SNTG1: variants seen among roughly 807,000 people sequenced by gnomAD.
SNTG1 encodes the protein gamma-1-syntrophin.
Under a neutral mutation model 74.7 loss-of-function variants are expected in SNTG1, and 39 were observed. The ratio of observed to expected loss-of-function variants is 0.52; its 90% CI spans 0.40 to 0.68. SNTG1 has a LOEUF of 0.68. SNTG1 is among the 30% of genes least tolerant of loss of function. The pLI, the probability that SNTG1 is intolerant of heterozygous loss-of-function variation, is 0.00. For synonymous variants in SNTG1, 254 were observed against 217.1 expected (o/e 1.17, Z -1.49); for missense variants, 685 against 609.5 (o/e 1.12, Z -1.30).
chr8:50,178,408 C>T (rs986667769), intron 2 of SNTG1, among the ~76,000 whole-genome samples: 28 of 150,876 alleles, frequency 1.9e-4, no homozygotes, highest in South Asian at 4.2e-4. Context: ...CACGTGCGCG[C>T]GCACACACAC....
chr8:50,191,751 C>T (rs112698022), intron 2 of SNTG1, among the ~76,000 whole-genome samples: 7,410 of 151,976 alleles, frequency 0.049, 267 homozygotes, highest in Non-Finnish European at 0.074. Context: ...CAACAGGCCC[C>T]GGTGTGTGCT....
intron 1 of SNTG1, among the ~76,000 whole-genome samples, chr8:49,942,254 A>G (rs115724659): frequency 0.013 from 1,980 of 152,294 alleles, 50 homozygotes; most frequent in African/African-American, 0.043. Context: ...AAGTAACACA[A>G]CTTTCATTTG....
intron 2 of SNTG1, among the ~76,000 whole-genome samples, chr8:50,295,931 A>T (rs926996626): frequency 6.6e-6 from 1 of 152,196 alleles, no homozygotes; most frequent in African/African-American, 2.4e-5. Flanking sequence ...AATGTAAAAA[A>T]GTGCACCTAA....
intron 1 of SNTG1, among the ~76,000 whole-genome samples, chr8:49,960,517 T>C (rs997494392): frequency 2.0e-5 from 3 of 152,110 alleles, no homozygotes; most frequent in Non-Finnish European, 4.4e-5. Context: ...AAGAAATCTA[T>C]TTCTTTGAGT....
chr8:50,047,763 T>TG (rs1819221739), intron 1 of SNTG1, among the ~76,000 whole-genome samples: 1 of 152,112 alleles, frequency 6.6e-6, no homozygotes, highest in African/African-American at 2.4e-5. Flanking sequence ...CATAACAACC[T>TG]GGGGGTGTCA....
At chr8:49,996,985 A>C (rs1476350013) in intron 1 of SNTG1, among the ~76,000 whole-genome samples, 1 of 152,176 alleles carries the variant, frequency 6.6e-6, no homozygotes, top group Admixed American at 6.6e-5. Flanking sequence ...GACTTATTTT[A>C]TCCAATGTCT....
intron 1 of SNTG1, among the ~76,000 whole-genome samples, chr8:50,043,311 C>T (rs919796608): frequency 3.3e-5 from 5 of 152,070 alleles, no homozygotes; most frequent in African/African-American, 9.7e-5. Context: ...ACAGAGAACC[C>T]AAATGCTTCT....
chr8:50,102,438 C>T (rs976409783), intron 1 of SNTG1, among the ~76,000 whole-genome samples: 2 of 147,292 alleles, frequency 1.4e-5, no homozygotes, highest in African/African-American at 5.0e-5. Flanking sequence ...TGTTTGAGTT[C>T]ATTGTAGATT....
chr8:50,684,332 G>T (rs1309731704), intron 15 of SNTG1, among the ~76,000 whole-genome samples: 1 of 152,104 alleles, frequency 6.6e-6, no homozygotes, highest in Non-Finnish European at 1.5e-5. Context: ...ATGAATCTTA[G>T]AACTATTAAT....
chr8:49,948,871 C>G (rs9643685), intron 1 of SNTG1, among the ~76,000 whole-genome samples: 1 of 152,038 alleles, frequency 6.6e-6, no homozygotes, highest in Admixed American at 6.5e-5. Context: ...TAAGAGCCCC[C>G]GGGCTCACGG....
intron 9 of SNTG1, among the ~76,000 whole-genome samples, chr8:50,518,366 A>T (rs146539913): frequency 0.047 from 7,191 of 152,288 alleles, 228 homozygotes; most frequent in Middle Eastern, 0.092. Context: ...AAATTTCTAA[A>T]ATTGACACCC....
intron 9 of SNTG1, among the ~76,000 whole-genome samples, chr8:50,505,996 G>T (rs2094003169): frequency 6.6e-6 from 1 of 151,886 alleles, no homozygotes; most frequent in Non-Finnish European, 1.5e-5. Flanking sequence ...CTAATGTTTA[G>T]GTATTTGATT....
chr8:50,219,225 G>T (rs998848581), intron 2 of SNTG1, among the ~76,000 whole-genome samples: 19 of 152,256 alleles, frequency 1.2e-4, no homozygotes, highest in African/African-American at 4.1e-4. Flanking sequence ...AATGCCAAAA[G>T]ACCTAAGCCC....
At chr8:50,517,110 A>G (rs2094139794) in intron 9 of SNTG1, among the ~76,000 whole-genome samples, 2 of 152,278 alleles carry the variant, frequency 1.3e-5, no homozygotes, top group Non-Finnish European at 1.5e-5. Context: ...GCAGAAACTC[A>G]ACAAGCCAGA....
chr8:50,477,204 T>G (rs1386558155), intron 8 of SNTG1, among the ~76,000 whole-genome samples: 1 of 151,674 alleles, frequency 6.6e-6, no homozygotes, highest in African/African-American at 2.4e-5. Flanking sequence ...GACTTCCTTA[T>G]GAAGAATGAA....
At chr8:50,626,602 A>C (rs1376825570) in intron 13 of SNTG1, among the ~76,000 whole-genome samples, 1 of 152,244 alleles carries the variant, frequency 6.6e-6, no homozygotes, top group Non-Finnish European at 1.5e-5. Context: ...GAATGGGCCA[A>C]ACAAAGGGAT....
At chr8:50,641,651 A>G (rs2095073993) in intron 13 of SNTG1, among the ~76,000 whole-genome samples, 1 of 152,140 alleles carries the variant, frequency 6.6e-6, no homozygotes, top group Admixed American at 6.5e-5. Context: ...TCTTTTATCA[A>G]CCCCACAAAT....
rs1418740922 is a variant in SNTG1, at chr8:50,794,130, A to C, written c.*1301A>C. On this transcript the variant is annotated 3_prime_UTR_variant, in exon 19 of 19. Transcript: ENST00000642720. ...GTCAGCTGTGTATGTAAAAAAAAAA[A>C]AAAATTTTTATTGATACACATGCTC... 2.0e-5 allele frequency: 3 copies of C among 151,850 alleles called. No homozygotes were observed. Among genetic ancestry groups the C allele is most frequent in the Non-Finnish European group, 4.4e-5 (3 of 67,892 alleles). 9.4% of individuals were successfully genotyped at this position (151,850 alleles called of 1,614,324 possible). A position where few individuals can be genotyped will look rare whatever the true frequency, so the allele number is the denominator to read the frequency against.
chr8:50,202,860 A>G (rs931138719), intron 2 of SNTG1, among the ~76,000 whole-genome samples: 3 of 149,462 alleles, frequency 2.0e-5, no homozygotes, highest in Non-Finnish European at 3.0e-5. Flanking sequence ...TTATTTTACT[A>G]TTTATACTGC....
Sources: gnomAD v4.1 joint callset for allele counts (sites outside exome capture counted in the v4.1 genomes callset) on GRCh38, gnomAD v4.1.1 for gene constraint, MANE v1.5 for transcripts, NCBI Gene and HGNC (gene_info 2026-07-23, HGNC 2026-07-21) for gene names.